Variants in COA1 observed in about 807,000 individuals in gnomAD.
COA1 encodes the protein cytochrome c oxidase assembly factor 1.
In COA1, 13 loss-of-function variants were observed where a neutral mutation model predicts 16.0. The ratio of observed to expected loss-of-function variants is 0.81; its 90% CI spans 0.53 to 1.29. The LOEUF is 1.29. Among genes scored for constraint, COA1 ranks in the 50% most tolerant of loss-of-function variants. COA1 has a pLI of 0.00. For synonymous variants in COA1, 65 were observed against 65.7 expected (o/e 0.99, Z 0.05); for missense variants, 179 against 177.0 (o/e 1.01, Z -0.06).
At chr7:43,634,745 G>A (rs2085582158), downstream of COA1, among the ~76,000 whole-genome samples, 1 of 152,218 alleles carries the variant, frequency 6.6e-6, no homozygotes, top group Non-Finnish European at 1.5e-5. Context: ...GAGTAGGGCA[G>A]TTACTTCTTA....
chr7:43,636,349 T>A (rs2085871991), downstream of COA1, among the ~76,000 whole-genome samples: 1 of 93,610 alleles, frequency 1.1e-5, no homozygotes, highest in African/African-American at 5.3e-5. Flanking sequence ...ACCGCCCCCA[T>A]CATTGAGCCT....
intron 6 of COA1, among the ~76,000 whole-genome samples, chr7:43,629,807 C>G (rs1350881659): frequency 6.6e-6 from 1 of 152,188 alleles, no homozygotes; most frequent in South Asian, 2.1e-4. Context: ...ATGGGCAGAA[C>G]AAAGGACAGA....
Position 43,639,512 on chromosome 7 carries a change from A to C in COA1, c.*70T>G, listed in dbSNP as rs1584148496. 2.4e-6 allele frequency: 3 copies of C among 1,267,642 alleles called. No homozygotes were observed. Among genetic ancestry groups the C allele is most frequent in the Non-Finnish European group, 3.4e-6 (3 of 870,064 alleles). The allele number at this position is 1,267,642 out of a possible 1,614,324, so 78.5% of individuals were successfully genotyped here. A position where few individuals can be genotyped will look rare whatever the true frequency, so the allele number is the denominator to read the frequency against. ...GTGTCTGTCACTGAGATGGGCCACC[A>C]CCCCAGTGGCCATATGGTAGAGATG... On this transcript the variant is annotated 3_prime_UTR_variant, in exon 6 of 6. Transcript: ENST00000223336.
Position 43,610,716 on chromosome 7 carries a change from TATAG to T in COA1, c.*134-1225_*134-1222del, listed in dbSNP as rs145757949. Among the ~76,000 whole-genome samples the T allele has an allele frequency of 8.9e-3, 1,351 of 152,252 alleles. 18 individuals are homozygous for T. Among genetic ancestry groups the T allele is most frequent in the African/African-American group, 0.031 (1,282 of 41,566 alleles). On this transcript the variant is annotated intron_variant and NMD_transcript_variant, in intron 6 of 6. Coordinates refer to the COA1 transcript ENST00000415076. ...ATTCCGTAATACCTTTGTTTATTTATATAGATAGATAGAGTCATACTATATAAAT... is the reference window on the plus strand; with the variant it reads ...ATTCCGTAATACCTTTGTTTATTTATATAGATAGAGTCATACTATATAAAT...
chr7:43,671,575 A>G (rs1225461148), intron 1 of COA1, among the ~76,000 whole-genome samples: 1 of 152,226 alleles, frequency 6.6e-6, no homozygotes, highest in Non-Finnish European at 1.5e-5. Context: ...GAAATCAGAG[A>G]TGACACAAAC....
chr7:43,689,918 G>A (rs1286931370), intron 1 of COA1, among the ~76,000 whole-genome samples: 1 of 152,020 alleles, frequency 6.6e-6, no homozygotes, highest in Non-Finnish European at 1.5e-5. Context: ...ACCAATAATG[G>A]AGATAAAATG....
intron 1 of COA1, among the ~76,000 whole-genome samples, chr7:43,673,345 C>A (rs1470655996): frequency 1.3e-5 from 2 of 152,160 alleles, no homozygotes; most frequent in African/African-American, 2.4e-5. Flanking sequence ...CATGAACAGA[C>A]ACTTTTCAAA....
chr7:43,691,419 GAAAA>G (rs1219980031), intron 1 of COA1, among the ~76,000 whole-genome samples: 7 of 82,254 alleles, frequency 8.5e-5, no homozygotes, highest in South Asian at 4.1e-4. Context: ...AAGGAAGAAA[GAAAA>G]AGAAAGAAAG....
intron 1 of COA1, among the ~76,000 whole-genome samples, chr7:43,671,724 A>G (rs2093277202): frequency 6.6e-6 from 1 of 152,180 alleles, no homozygotes; most frequent in South Asian, 2.1e-4. Context: ...TGTAATACAC[A>G]TGTGTCAAGG....
chr7:43,634,365 G>C (rs892029546), downstream of COA1, among the ~76,000 whole-genome samples: 1 of 152,174 alleles, frequency 6.6e-6, no homozygotes, highest in African/African-American at 2.4e-5. Flanking sequence ...GCATGTGGTG[G>C]GGTTGATGGT....
intron 1 of COA1, among the ~76,000 whole-genome samples, chr7:43,682,340 C>T (rs913402843): frequency 3.3e-5 from 5 of 152,130 alleles, no homozygotes; most frequent in Admixed American, 6.6e-5. Context: ...TGGAACTATA[C>T]GCATATTTTA....
At chr7:43,683,063 G>A (rs1192109117) in intron 1 of COA1, among the ~76,000 whole-genome samples, 1 of 152,006 alleles carries the variant, frequency 6.6e-6, no homozygotes, top group East Asian at 1.9e-4. Context: ...TCACCATGTT[G>A]GCCAGGCTGG....
intron 1 of COA1, among the ~76,000 whole-genome samples, chr7:43,650,998 C>CT (rs1174250324): frequency 6.6e-6 from 1 of 152,072 alleles, no homozygotes; most frequent in East Asian, 1.9e-4. Flanking sequence ...GCAGGGGCTC[C>CT]TTTTCAACTA....
At chr7:43,722,021 G>A (rs2095515844) in intron 1 of COA1, among the ~76,000 whole-genome samples, 1 of 151,662 alleles carries the variant, frequency 6.6e-6, no homozygotes, top group Non-Finnish European at 1.5e-5. Flanking sequence ...TTTGCCCCTA[G>A]CACAGAACAT....
At chr7:43,717,495 G>A (rs1235129126) in intron 1 of COA1, among the ~76,000 whole-genome samples, 1 of 152,176 alleles carries the variant, frequency 6.6e-6, no homozygotes, top group Non-Finnish European at 1.5e-5. Context: ...CCCAATACCT[G>A]TAAACCCATT....
At chr7:43,645,636 T>C (rs749204600) in intron 3 of COA1, 1 of 428,468 alleles carries the variant, frequency 2.3e-6, no homozygotes, top group South Asian at 2.6e-5. Flanking sequence ...CTTGACCTCA[T>C]GCAGACCCTT....
Position 43,674,210 on chromosome 7 carries a change from T to C in COA1, c.-38-25558A>G, listed in dbSNP as rs948672575. Among the ~76,000 whole-genome samples the C allele has an allele frequency of 3.9e-4, 60 of 152,278 alleles. 1 individual carries two copies. Among genetic ancestry groups the C allele is most frequent in the African/African-American group, 1.4e-3 (58 of 41,546 alleles). The stretch of plus-strand genomic sequence containing the variant: ...CTAAGTAGAATTTTTAAGTCTTCTT[T>C]CTCCCCCACCCAATAGCTCCAACAC... On this transcript the variant is annotated intron_variant, in intron 1 of 5. Coordinates refer to ENST00000223336, the MANE Select transcript of COA1 (RefSeq NM_018224.4).
At position 43,645,101 on chromosome 7, in the gene COA1, T is replaced by C. The variant is rs1263508798; in HGVS notation, c.264+150A>G. The C allele has an allele frequency of 7.4e-6, 3 of 403,550 alleles. No individual in the cohort carries two copies. In the East Asian group the frequency reaches 1.2e-4, roughly 17 times the overall value. 25.0% of individuals were successfully genotyped at this position (403,550 alleles called of 1,614,324 possible). On this transcript the variant is annotated intron_variant, in intron 4 of 5. Coordinates refer to ENST00000223336, the MANE Select transcript of COA1 (RefSeq NM_018224.4). ...TTTATATAAACATTAAAATCCATAA[T>C]AGAAAAACTTTTTTTAAAGGTGCCA...
At chr7:43,646,758 ACT>A (rs747566210) in intron 3 of COA1, 33 of 380,818 alleles carry the variant, frequency 8.7e-5, no homozygotes, top group Non-Finnish European at 1.8e-4. Context: ...AACTCCACCA[ACT>A]CTGCAGGATG....
Sources: allele counts gnomAD v4.1 joint callset (sites outside exome capture counted in the v4.1 genomes callset), GRCh38; gene constraint gnomAD v4.1.1; transcripts MANE v1.5; gene names NCBI Gene and HGNC (gene_info 2026-07-23, HGNC 2026-07-21).